The following ACACA variants were observed in gnomAD, a reference collection of about 807,000 sequenced individuals.
ACACA encodes the protein acetyl-CoA carboxylase alpha, also known as acetyl-CoA carboxylase 1.
A neutral mutation model predicts 296.1 loss-of-function variants in ACACA; 103 were observed. The ratio of observed to expected loss-of-function variants is 0.35; its 90% CI spans 0.30 to 0.41. ACACA has a LOEUF of 0.41. Ranked by LOEUF, ACACA falls within the 10% of genes least tolerant of loss-of-function variation. The probability of loss-of-function intolerance (pLI) is 1.00; values close to 1 mark genes in which losing one functional copy is unlikely to be tolerated. For synonymous variants in ACACA, 953 were observed against 1,038.6 expected (o/e 0.92, Z 1.58); for missense variants, 1,554 against 2,989.7 (o/e 0.52, Z 11.20).
At chr17:37,189,279 C>T (rs952764120) in intron 38 of ACACA, among the ~76,000 whole-genome samples, 1 of 152,192 alleles carries the variant, frequency 6.6e-6, no homozygotes, top group South Asian at 2.1e-4. Flanking sequence ...ACATGCTATT[C>T]GAACTTAATG....
chr17:37,258,147 T>G (rs1014926678), intron 13 of ACACA, 65 bp downstream of exon 13: 13 of 1,562,746 alleles, frequency 8.3e-6, no homozygotes, highest in Non-Finnish European at 1.1e-5. Context: ...AAGTATACTT[T>G]CAGATACTAT....
intron 29 of ACACA, chr17:37,221,484 G>T: frequency 1.8e-6 from 1 of 553,644 alleles, no homozygotes; most frequent in South Asian, 2.4e-5. Flanking sequence ...TTTCCTCAGT[G>T]ACATAATACA....
chr17:37,278,092 A>T, intron 5 of ACACA, 87 bp from the exon 6 acceptor site: 3 of 986,694 alleles, frequency 3.0e-6, no homozygotes, highest in Non-Finnish European at 4.8e-6. Flanking sequence ...AAGGTCAGGG[A>T]CTATCATAAG....
chr17:37,251,904 G>T, intron 16 of ACACA, 101 bp downstream of exon 16: 1 of 1,110,736 alleles, frequency 9.0e-7, no homozygotes, highest in Non-Finnish European at 1.4e-6. Context: ...GCACTCATAA[G>T]CTGCCAGGAA....
intron 5 of ACACA, among the ~76,000 whole-genome samples, chr17:37,280,730 A>AACACACACACACAC (rs71979048): frequency 7.5e-4 from 110 of 146,464 alleles, no homozygotes; most frequent in East Asian, 2.0e-3. Context: ...TTACATAGTT[A>AACACACACACACAC]ACACACACAC....
intron 19 of ACACA, 105 bp from the exon 20 acceptor site, chr17:37,245,319 ATTTGACC>A: frequency 4.3e-6 from 5 of 1,169,878 alleles, no homozygotes; most frequent in Middle Eastern, 2.8e-4. Flanking sequence ...ACCACACCTA[ATTTGACC>A]AAGAAAAAAT....
At chr17:37,099,555 AT>A (rs1413198165) in intron 52 of ACACA, among the ~76,000 whole-genome samples, 3 of 135,244 alleles carry the variant, frequency 2.2e-5, no homozygotes, top group Admixed American at 7.2e-5. Flanking sequence ...GGGAGGGCTG[AT>A]GGCAGGAGGG....
At chr17:37,144,292 G>A in intron 45 of ACACA, 1 of 584,512 alleles carries the variant, frequency 1.7e-6, no homozygotes, top group Non-Finnish European at 3.1e-6. Context: ...CTTTGCCCAT[G>A]TTTAGTTGTT....
Position 37,179,410 on chromosome 17 carries a change from G to C in ACACA, c.4933-4C>G, listed in dbSNP as rs1471126035. ...ACTCCCAGAGTTTGATCAGGGACTA[G>C]TGGAGAAAAGAAGTTTGACTAATCA... is the stretch of plus-strand genomic sequence containing the variant. On this transcript the variant is annotated splice_region_variant and splice_polypyrimidine_tract_variant and intron_variant, in intron 40 of 55. Transcript: ENST00000616317. 2 of 1,614,054 alleles carry C rather than the reference G, an allele frequency of 1.2e-6. No homozygotes were observed. The highest frequency in any genetic ancestry group is 8.5e-7 in the Non-Finnish European group (1 of 1,179,946).
intron 27 of ACACA, among the ~76,000 whole-genome samples, chr17:37,224,106 G>A (rs1249938499): frequency 6.6e-6 from 1 of 152,176 alleles, no homozygotes; most frequent in African/African-American, 2.4e-5. Flanking sequence ...GGAGGCCAAG[G>A]CACAAGAATC....
chr17:37,262,392 A>G (rs1198380755), intron 11 of ACACA, among the ~76,000 whole-genome samples: 2 of 152,180 alleles, frequency 1.3e-5, no homozygotes, highest in Non-Finnish European at 2.9e-5. Context: ...ACAGGCCACA[A>G]TGTGAACATA....
chr17:37,304,153 GCTT>G (rs1178948720), intron 3 of ACACA, among the ~76,000 whole-genome samples: 1 of 151,940 alleles, frequency 6.6e-6, no homozygotes, highest in Non-Finnish European at 1.5e-5. Context: ...GGTTTCATTT[GCTT>G]CTTTTTAAAA....
At chr17:37,144,481 CAGAGTCATGGGTG>C in intron 45 of ACACA, 9 of 259,350 alleles carry the variant, frequency 3.5e-5, no homozygotes, top group Admixed American at 9.9e-5. Context: ...CTGTGTTTCA[CAGAGTCATGGGTG>C]GGTGAGCATG....
At chr17:37,259,944 A>G (rs1397666107) in intron 11 of ACACA, among the ~76,000 whole-genome samples, 1 of 149,974 alleles carries the variant, frequency 6.7e-6, no homozygotes, top group Non-Finnish European at 1.5e-5. Context: ...CAGTGGCACA[A>G]TCTCGTGGCT....
intron 28 of ACACA, among the ~76,000 whole-genome samples, chr17:37,223,068 T>A (rs986640351): frequency 7.9e-5 from 12 of 152,246 alleles, no homozygotes; most frequent in African/African-American, 2.9e-4. Context: ...TAAATGCTAT[T>A]ACTTTCTTTC....
At chr17:37,120,540 C>T (rs538623451) in intron 50 of ACACA, among the ~76,000 whole-genome samples, 3 of 152,180 alleles carry the variant, frequency 2.0e-5, no homozygotes, top group Non-Finnish European at 4.4e-5. Flanking sequence ...GCTGGGATTA[C>T]AGGCGTGAGC....
chr17:37,381,720 C>A (rs561944150), intron 1 of ACACA, among the ~76,000 whole-genome samples: 2 of 149,764 alleles, frequency 1.3e-5, no homozygotes, highest in African/African-American at 4.9e-5. Flanking sequence ...CTCCGCCTCT[C>A]GGGTTCACGC....
Position 37,351,392 on chromosome 17 carries a change from G to A in ACACA, c.39-11542C>T, listed in dbSNP as rs149841518. Among the ~76,000 whole-genome samples the A allele has an allele frequency of 6.8e-3, 1,037 of 152,316 alleles. 7 individuals are homozygous for A. The highest frequency in any genetic ancestry group is 0.048 in the Middle Eastern group (14 of 294). The stretch of plus-strand genomic sequence containing the variant: ...GCACGAGAATTGCTTGAACCCAGGA[G>A]GCAGAGGTTGCAGTGAGTCAAGATC... On this transcript the variant is annotated intron_variant, in intron 1 of 55. Transcript: ENST00000616317.
intron 3 of ACACA, among the ~76,000 whole-genome samples, chr17:37,326,604 G>A (rs945096918): frequency 2.0e-5 from 3 of 152,084 alleles, no homozygotes; most frequent in Non-Finnish European, 2.9e-5. Context: ...GCTGAGGCGG[G>A]CAGATCACCT....
Sources: allele counts gnomAD v4.1 joint callset (sites outside exome capture counted in the v4.1 genomes callset), GRCh38; gene constraint gnomAD v4.1.1; transcripts MANE v1.5; gene names NCBI Gene and HGNC (gene_info 2026-07-23, HGNC 2026-07-21).